The following PTPRM variants were observed in gnomAD, a reference collection of about 807,000 sequenced individuals.
PTPRM encodes the protein receptor-type tyrosine-protein phosphatase mu.
PTPRM carries 47 observed loss-of-function variants against 186.7 expected under a neutral mutation model. The ratio of observed to expected loss-of-function variants is 0.25; its 90% CI spans 0.20 to 0.32. PTPRM has a LOEUF of 0.32. Among genes scored for constraint, PTPRM ranks in the 10% least tolerant of loss-of-function variants. The pLI is 1.00. For synonymous variants in PTPRM, 668 were observed against 674.9 expected (o/e 0.99, Z 0.16); for missense variants, 1,494 against 1,865.0 (o/e 0.80, Z 3.66).
chr18:7,585,627 CTCT>C (rs2036960322), intron 1 of PTPRM, among the ~76,000 whole-genome samples: 1 of 151,654 alleles, frequency 6.6e-6, no homozygotes, highest in Admixed American at 6.6e-5. Context: ...TTTTTTTTTC[CTCT>C]TCTTCTTTTC....
intron 14 of PTPRM, among the ~76,000 whole-genome samples, chr18:8,234,902 T>A (rs906303541): frequency 6.6e-6 from 1 of 152,152 alleles, no homozygotes; most frequent in African/African-American, 2.4e-5. Flanking sequence ...GAGTTTCAAA[T>A]GTTGAACCAG....
At chr18:7,603,420 T>C (rs1221884465) in intron 1 of PTPRM, among the ~76,000 whole-genome samples, 1 of 152,224 alleles carries the variant, frequency 6.6e-6, no homozygotes, top group African/African-American at 2.4e-5. Flanking sequence ...AGCTAACGTT[T>C]GCAGGGCCCC....
At chr18:8,077,395 C>T (rs1366128561) in intron 9 of PTPRM, among the ~76,000 whole-genome samples, 1 of 152,070 alleles carries the variant, frequency 6.6e-6, no homozygotes, top group East Asian at 1.9e-4. Context: ...AACCCCTTCC[C>T]TGACCCAACT....
At chr18:8,182,977 AGT>A (rs1216643837) in intron 14 of PTPRM, among the ~76,000 whole-genome samples, 2 of 152,300 alleles carry the variant, frequency 1.3e-5, no homozygotes, top group South Asian at 4.1e-4. Context: ...TTTTTCGCGC[AGT>A]GTGTCACAAA....
intron 1 of PTPRM, among the ~76,000 whole-genome samples, chr18:7,704,403 G>A (rs2040030764): frequency 6.6e-6 from 1 of 152,116 alleles, no homozygotes; most frequent in South Asian, 2.1e-4. Context: ...AGTCTTGGGA[G>A]GGTGTGTGTG....
chr18:7,783,846 A>G lies in PTPRM; in HGVS notation c.196+9575A>G, dbSNP rs145550204. 5.3e-3 allele frequency among the ~76,000 whole-genome samples: 798 copies of G among 151,700 alleles called. 9 individuals carry two copies. The highest frequency in any genetic ancestry group is 0.018 in the African/African-American group (750 of 41,338). ...GGTCTTGAACTCCTGGACTCAAGCAATCCTTCTGCCTTGGCCTCCCAAAGC... is the reference window on the plus strand; with the variant it reads ...GGTCTTGAACTCCTGGACTCAAGCAGTCCTTCTGCCTTGGCCTCCCAAAGC... On this transcript the variant is annotated intron_variant, in intron 2 of 32. Coordinates refer to ENST00000580170, the MANE Select transcript of PTPRM (RefSeq NM_001105244.2).
chr18:8,190,691 A>G (rs768863118), intron 14 of PTPRM, among the ~76,000 whole-genome samples: 13 of 152,212 alleles, frequency 8.5e-5, no homozygotes, highest in Non-Finnish European at 1.6e-4. Flanking sequence ...AATTTAATAG[A>G]TAAGTTAGAT....
At position 8,153,204 on chromosome 18, in the gene PTPRM, G is replaced by T. The variant is rs2093050050; in HGVS notation, c.2300+9425G>T. On this transcript the variant is annotated intron_variant, in intron 14 of 32. Transcript: ENST00000580170. The stretch of plus-strand genomic sequence containing the variant: ...GTTTATTTTTAATTCCGGGAATATG[G>T]TGGATATATTTTGTCATCTGGCAAG... Among the ~76,000 whole-genome samples the T allele has an allele frequency of 3.3e-5, 5 of 152,128 alleles. No homozygotes were observed. The South Asian group carries it at 1.0e-3, about 32-fold the overall frequency.
rs1247618890 is a variant in PTPRM at position 8,400,575 on chromosome 18, T to C, written c.4345-5534T>C. 3.9e-5 allele frequency among the ~76,000 whole-genome samples: 6 copies of C among 152,290 alleles called. No individual in the cohort carries two copies. The East Asian group carries it at 1.2e-3, about 29-fold the overall frequency. On this transcript the variant is annotated intron_variant, in intron 32 of 32. Coordinates refer to ENST00000580170, the MANE Select transcript of PTPRM (RefSeq NM_001105244.2). ...CAGCGGGCCTCTCCCTTCCCTGCAG[T>C]GCCATGCGGCGGTGTTCACAGCTCG... is the stretch of plus-strand genomic sequence containing the variant.
At chr18:7,777,680 ATG>A (rs1447040168) in intron 2 of PTPRM, among the ~76,000 whole-genome samples, 1 of 152,196 alleles carries the variant, frequency 6.6e-6, no homozygotes, top group African/African-American at 2.4e-5. Flanking sequence ...CTTTCAGAAG[ATG>A]TGTTTTCTAA....
At chr18:8,036,648 G>T (rs2086349945) in intron 7 of PTPRM, among the ~76,000 whole-genome samples, 1 of 152,196 alleles carries the variant, frequency 6.6e-6, no homozygotes, top group Non-Finnish European at 1.5e-5. Flanking sequence ...TGCTTTCTCA[G>T]AGATGTTGTT....
intron 7 of PTPRM, among the ~76,000 whole-genome samples, chr18:8,050,057 G>T (rs548541048): frequency 2.0e-5 from 3 of 152,114 alleles, no homozygotes; most frequent in African/African-American, 7.2e-5. Context: ...GTCATAAAGG[G>T]ATTTGATTTT....
At chr18:7,679,147 T>C (rs1027550267) in intron 1 of PTPRM, among the ~76,000 whole-genome samples, 45 of 152,238 alleles carry the variant, frequency 3.0e-4, no homozygotes, top group Admixed American at 2.2e-3. Context: ...GAGTCAAGTG[T>C]TGTAATGCAT....
At chr18:8,171,664 A>G (rs1048242442) in intron 14 of PTPRM, among the ~76,000 whole-genome samples, 1 of 152,184 alleles carries the variant, frequency 6.6e-6, no homozygotes. Flanking sequence ...ATCTGGAGAA[A>G]GCTAAATAGA....
At chr18:8,208,458 G>T (rs1367806639) in intron 14 of PTPRM, among the ~76,000 whole-genome samples, 2 of 152,140 alleles carry the variant, frequency 1.3e-5, no homozygotes, top group African/African-American at 4.8e-5. Flanking sequence ...AAATAAAGCT[G>T]GGAAGGTAGA....
At chr18:7,714,559 A>G (rs908708222) in intron 1 of PTPRM, among the ~76,000 whole-genome samples, 1 of 152,160 alleles carries the variant, frequency 6.6e-6, no homozygotes, top group Non-Finnish European at 1.5e-5. Context: ...AAACCCTCGA[A>G]AAAAATAAAT....
intron 19 of PTPRM, among the ~76,000 whole-genome samples, chr18:8,290,705 G>A (rs1277626758): frequency 6.6e-6 from 1 of 152,096 alleles, no homozygotes; most frequent in Non-Finnish European, 1.5e-5. Flanking sequence ...TTGTTTTGGA[G>A]ACTTATTACT....
intron 2 of PTPRM, chr18:7,815,419 T>C (rs331419): frequency 0.68 from 103,615 of 152,112 alleles, 36,499 homozygotes; most frequent in East Asian, 0.95. Flanking sequence ...TCTGTGAAGG[T>C]GGGAAAATTG....
chr18:7,852,684 C>CA (rs199834792), intron 2 of PTPRM, among the ~76,000 whole-genome samples: 4,158 of 149,930 alleles, frequency 0.028, 179 homozygotes, highest in African/African-American at 0.096. Flanking sequence ...GACTCCCTCT[C>CA]AAAAATAAAA....
Sources: allele counts gnomAD v4.1 joint callset (sites outside exome capture counted in the v4.1 genomes callset), GRCh38; gene constraint gnomAD v4.1.1; transcripts MANE v1.5; gene names NCBI Gene and HGNC (gene_info 2026-07-23, HGNC 2026-07-21).